NELFA: variants seen among roughly 807,000 people sequenced by gnomAD.
NELFA encodes the protein negative elongation factor A.
NELFA carries 35 observed loss-of-function variants against 51.8 expected under a neutral mutation model. That is an observed-to-expected ratio of 0.68 (90% CI 0.52 to 0.90). NELFA has a LOEUF of 0.90. Among genes scored for constraint, NELFA ranks in the 40% least tolerant of loss-of-function variants. The pLI, the probability that NELFA is intolerant of heterozygous loss-of-function variation, is 0.00. For synonymous variants in NELFA, 417 were observed against 338.4 expected, an observed-to-expected ratio of 1.23 and a Z score of -2.55; for missense variants, 658 against 746.4, an observed-to-expected ratio of 0.88 and a Z score of 1.38.
At chr4:1,990,498 C>A (rs768316646) in intron 2 of NELFA, 1 of 456,592 alleles carries the variant, frequency 2.2e-6, no homozygotes, top group Admixed American at 2.3e-5. Flanking sequence ...GAGACACGAA[C>A]GGGTGGGGTG....
chr4:1,985,799 C>T lies in NELFA; in HGVS notation c.901G>A (p.Ala301Thr), dbSNP rs751012137. 1.2e-6 allele frequency: 2 copies of T among 1,613,238 alleles called. No individual in the cohort carries two copies. ...ACCTGCGTGGACACCAGGCCGGCTG[C>T]GTAGTCCGGGGTGGCGTTCTCCACC... Reference protein sequence around the residue: ...TVVENATPDYAAGLVSTQKLG... With the variant: ...TVVENATPDYTAGLVSTQKLG... Residue 301 changes from alanine (A) to threonine (T), a missense_variant, in exon 7 of 11, where the codon GCA becomes ACA. This residue lies in a region of NELFA where 371 missense variants were observed against 448.3 expected (regional missense o/e 0.83). Coordinates refer to ENST00000382882, the MANE Select transcript of NELFA (RefSeq NM_005663.5).
rs778725431 is a variant in NELFA, at chr4:1,986,137, G to A, written c.812C>T (p.Ala271Val). 2.6e-6 allele frequency: 4 copies of A among 1,553,408 alleles called. No homozygotes were observed. The highest frequency in any genetic ancestry group is 3.5e-6 in the Non-Finnish European group (4 of 1,148,220). The change falls in exon 6 of 11, where the codon GCG becomes GTG. Residue 271 changes from alanine (A) to valine (V), a missense_variant. Transcript: ENST00000382882. ...ELDMVGAGRE[A>V]KRRRKTLDAE... ...ACCGAGAGTCTTCCTTCTCCGCTTC[G>A]CCTCTCGGCCAGCGCCAACCATATC... is the stretch of plus-strand genomic sequence containing the variant.
At chr4:2,007,347 T>G (rs1027724587) in intron 1 of NELFA, 3 of 175,924 alleles carry the variant, frequency 1.7e-5, no homozygotes, top group Admixed American at 1.2e-4. Context: ...CGTAATGTAG[T>G]AACGGGATGA....
intron 2 of NELFA, 184 bp from the exon 3 acceptor site, chr4:1,990,053 G>T (rs1728227499): frequency 1.5e-6 from 1 of 654,010 alleles, no homozygotes. Flanking sequence ...AGGAGCATTT[G>T]CAGAACAGGA....
Position 1,984,016 on chromosome 4 carries a change from G to A in NELFA, c.1134C>T (p.Asn378=), listed in dbSNP as rs1424112199. The A allele has an allele frequency of 3.7e-6, 6 of 1,608,454 alleles. No individual in the cohort carries two copies. The highest frequency in any genetic ancestry group is 3.3e-5 in the Admixed American group (2 of 59,964). Residue 378 remains asparagine, a synonymous_variant, in exon 9 of 11, where the codon AAC becomes AAT. Coordinates refer to ENST00000382882, the MANE Select transcript of NELFA (RefSeq NM_005663.5). The part of the protein sequence containing the change: ...AQFKQRAPMY[N]SGLSPATPTP... The stretch of plus-strand genomic sequence containing the variant: ...TGGGTGTGGCAGGGCTCAGGCCGCT[G>A]TTGTACATGGGCGCCCGCTGCTTGA...
chr4:1,992,902 C>A (rs1728314029), intron 1 of NELFA, among the ~76,000 whole-genome samples: 1 of 152,218 alleles, frequency 6.6e-6, no homozygotes, highest in Non-Finnish European at 1.5e-5. Flanking sequence ...CGTGGCCCAG[C>A]CCCTTCTGTT....
Position 1,983,886 on chromosome 4 carries a change from G to C in NELFA, c.1264C>G (p.Pro422Ala), listed in dbSNP as rs947183197. ...TTCTTCTTAGGCTGCTGCTGAGCAG[G>C]GGCCTGGGTCTGCGGGGCCACCATG... ...VAMVAPQTQA[P>A]AQQQPKKNLS... is the part of the protein sequence containing the mutation. Residue 422 changes from proline to alanine, a missense_variant, in exon 9 of 11, where the codon CCT becomes GCT. Pro to Ala is a conservative substitution (Grantham distance 27). Coordinates refer to ENST00000382882, the MANE Select transcript of NELFA (RefSeq NM_005663.5). 24 of 1,593,354 alleles carry C rather than the reference G, an allele frequency of 1.5e-5. No individual in the cohort carries two copies. Among genetic ancestry groups the C allele is most frequent in the Non-Finnish European group, 1.5e-5 (17 of 1,169,492 alleles).
At chr4:2,005,985 G>A (rs916702781) in intron 1 of NELFA, among the ~76,000 whole-genome samples, 2 of 152,174 alleles carry the variant, frequency 1.3e-5, no homozygotes, top group Non-Finnish European at 1.5e-5. Flanking sequence ...ACGTGTTTAA[G>A]AAGTAAGTAT....
intron 1 of NELFA, among the ~76,000 whole-genome samples, chr4:1,997,092 T>G (rs1728446459): frequency 6.6e-6 from 1 of 151,958 alleles, no homozygotes; most frequent in South Asian, 2.1e-4. Flanking sequence ...CCAGCCTGAG[T>G]GACAGTGACA....
intron 1 of NELFA, among the ~76,000 whole-genome samples, chr4:2,003,190 G>A (rs1280948347): frequency 4.6e-5 from 7 of 152,110 alleles, no homozygotes; most frequent in East Asian, 1.9e-4. Context: ...ACCATCTCAC[G>A]CCAGTCAGAA....
chr4:1,997,667 T>C (rs1728461191), intron 1 of NELFA, among the ~76,000 whole-genome samples: 1 of 152,224 alleles, frequency 6.6e-6, no homozygotes, highest in Non-Finnish European at 1.5e-5. Context: ...TAAGATGGTG[T>C]AGCCACTATG....
At chr4:2,001,220 T>C (rs1396274214) in intron 1 of NELFA, among the ~76,000 whole-genome samples, 1 of 152,182 alleles carries the variant, frequency 6.6e-6, no homozygotes, top group East Asian at 1.9e-4. Flanking sequence ...AGCATTCTCT[T>C]TGAAAACTGG....
intron 1 of NELFA, among the ~76,000 whole-genome samples, chr4:2,004,405 T>C (rs1560886223): frequency 6.6e-6 from 1 of 152,156 alleles, no homozygotes; most frequent in Admixed American, 6.5e-5. Flanking sequence ...AGCATGACCA[T>C]CAAACCTGTA....
intron 6 of NELFA, 41 bp from the exon 7 acceptor site, chr4:1,985,905 T>A: frequency 6.5e-7 from 1 of 1,532,282 alleles, no homozygotes; most frequent in Non-Finnish European, 8.9e-7. Context: ...CCCGGGCGCG[T>A]CTGCAGTGTC....
chr4:1,985,223 G>C (rs865935532), intron 7 of NELFA, among the ~76,000 whole-genome samples: 1 of 152,212 alleles, frequency 6.6e-6, no homozygotes, highest in Non-Finnish European at 1.5e-5. Context: ...TGATATAAAG[G>C]AAGATGCTCA....
rs143201083 is a variant in NELFA, at chr4:1,994,937, G to A, written c.211-3222C>T. 9.4e-3 allele frequency among the ~76,000 whole-genome samples: 1,437 copies of A among 152,266 alleles called. 22 individuals carry two copies. The highest frequency in any genetic ancestry group is 0.033 in the African/African-American group (1,363 of 41,544). ...ATTTCATTCAGAAACACAAGTTGTA[G>A]CAGATGCCATGCATAAGGTTAACCT... On this transcript the variant is annotated intron_variant, in intron 1 of 10. Transcript: ENST00000382882.
At chr4:1,984,270 G>C (rs1577609981) in intron 8 of NELFA, among the ~76,000 whole-genome samples, 157 bp from the exon 9 acceptor site, 1 of 152,166 alleles carries the variant, frequency 6.6e-6, no homozygotes, top group African/African-American at 2.4e-5. Flanking sequence ...GGCCCCAGAA[G>C]CCCCAGCCAG....
chr4:1,984,617 C>T (rs1265904089), intron 8 of NELFA, among the ~76,000 whole-genome samples, 191 bp downstream of exon 8: 1 of 152,218 alleles, frequency 6.6e-6, no homozygotes, highest in African/African-American at 2.4e-5. Context: ...CAGGGTGGGG[C>T]AAAGCAGCTG....
intron 2 of NELFA, chr4:1,990,070 G>C: frequency 1.6e-6 from 1 of 614,964 alleles, no homozygotes; most frequent in South Asian, 2.0e-5. Flanking sequence ...AGGAATGCCT[G>C]AGAGGCGGGC....
Sources: gnomAD v4.1 joint callset for allele counts (sites outside exome capture counted in the v4.1 genomes callset) on GRCh38, gnomAD v4.1.1 for gene constraint, gnomAD v4.1.1 regional missense constraint, MANE v1.5 for transcripts, NCBI Gene and HGNC (gene_info 2026-07-23, HGNC 2026-07-21) for gene names.